PPM1H: variants seen among roughly 807,000 people sequenced by gnomAD.
PPM1H encodes protein phosphatase, Mg2+/Mn2+ dependent 1H, also known as protein phosphatase 1H.
In PPM1H, 27 loss-of-function variants were observed where a neutral mutation model predicts 54.9. The ratio of observed to expected loss-of-function variants is 0.49; its 90% CI spans 0.36 to 0.68. The LOEUF (loss-of-function observed/expected upper bound fraction) is 0.68, where lower values mean the gene tolerates loss of function less well. Among genes scored for constraint, PPM1H ranks in the 30% least tolerant of loss-of-function variants. The pLI is 0.00. For synonymous variants in PPM1H, 305 were observed against 270.8 expected, an observed-to-expected ratio of 1.13 and a Z score of -1.24; for missense variants, 596 against 667.8, an observed-to-expected ratio of 0.89 and a Z score of 1.19.
chr12:62,688,560 G>A (rs149777154), intron 8 of PPM1H, among the ~76,000 whole-genome samples: 228 of 152,268 alleles, frequency 1.5e-3, no homozygotes, highest in African/African-American at 5.2e-3. Flanking sequence ...AATCGATACT[G>A]TTTCCTATAT....
At chr12:62,838,343 G>GC (rs372712407) in intron 1 of PPM1H, among the ~76,000 whole-genome samples, 5 of 145,262 alleles carry the variant, frequency 3.4e-5, no homozygotes, top group Non-Finnish European at 7.6e-5. Context: ...GTGTGTGGGG[G>GC]GGGGGAGATG....
chr12:62,751,458 A>G (rs1212203795), intron 4 of PPM1H, among the ~76,000 whole-genome samples: 1 of 152,256 alleles, frequency 6.6e-6, no homozygotes, highest in Non-Finnish European at 1.5e-5. Context: ...TTCAGAGAAC[A>G]GTGGGTGACC....
chr12:62,657,283 T>C (rs191390207), intron 9 of PPM1H, among the ~76,000 whole-genome samples: 1 of 152,276 alleles, frequency 6.6e-6, no homozygotes, highest in Admixed American at 6.5e-5. Flanking sequence ...TTAGTTCAAA[T>C]TCCAAACAGT....
At chr12:62,707,311 G>T (rs956157363) in intron 6 of PPM1H, among the ~76,000 whole-genome samples, 2 of 152,154 alleles carry the variant, frequency 1.3e-5, no homozygotes, top group Non-Finnish European at 1.5e-5. Flanking sequence ...TCCCTTATCA[G>T]CCACTGCCAG....
intron 1 of PPM1H, among the ~76,000 whole-genome samples, chr12:62,892,045 AG>A (rs2121083335): frequency 6.6e-6 from 1 of 152,336 alleles, no homozygotes; most frequent in African/African-American, 2.4e-5. Flanking sequence ...AATTGTGCAA[AG>A]TATCACAGAA....
At chr12:62,923,035 G>A (rs1871850882) in intron 1 of PPM1H, among the ~76,000 whole-genome samples, 1 of 152,162 alleles carries the variant, frequency 6.6e-6, no homozygotes, top group African/African-American at 2.4e-5. Flanking sequence ...CTTATCAACT[G>A]AGTGAGCATT....
At chr12:62,677,184 G>A (rs891549853) in intron 8 of PPM1H, among the ~76,000 whole-genome samples, 1 of 152,294 alleles carries the variant, frequency 6.6e-6, no homozygotes, top group South Asian at 2.1e-4. Flanking sequence ...GGTCTCCTGA[G>A]CACTGTACTA....
At chr12:62,814,835 C>CT (rs1272771443) in intron 2 of PPM1H, among the ~76,000 whole-genome samples, 1 of 152,226 alleles carries the variant, frequency 6.6e-6, no homozygotes, top group African/African-American at 2.4e-5. Flanking sequence ...GGATTGATCA[C>CT]TTCCCCTTGG....
intron 4 of PPM1H, among the ~76,000 whole-genome samples, chr12:62,760,602 C>T (rs1018378341): frequency 2.6e-5 from 4 of 152,216 alleles, no homozygotes; most frequent in Non-Finnish European, 4.4e-5. Flanking sequence ...GAGCTGAAGG[C>T]ATAGTCAGGG....
intron 1 of PPM1H, among the ~76,000 whole-genome samples, chr12:62,845,455 A>G (rs908779570): frequency 6.6e-6 from 1 of 152,210 alleles, no homozygotes; most frequent in African/African-American, 2.4e-5. Flanking sequence ...ATAGTTTTAG[A>G]AAAGGGGAGT....
chr12:62,753,021 G>C (rs2076450557), intron 4 of PPM1H, among the ~76,000 whole-genome samples: 1 of 152,112 alleles, frequency 6.6e-6, no homozygotes, highest in Admixed American at 6.5e-5. Context: ...ATGTGGGAGT[G>C]GTGCTCAGGA....
At chr12:62,683,039 A>ATTT (rs1227465639) in intron 8 of PPM1H, among the ~76,000 whole-genome samples, 1 of 30,520 alleles carries the variant, frequency 3.3e-5, no homozygotes, top group Non-Finnish European at 6.3e-5. Context: ...ATTATTTATT[A>ATTT]TTATTATTAT....
intron 2 of PPM1H, among the ~76,000 whole-genome samples, chr12:62,805,826 G>C (rs1447034431): frequency 1.3e-5 from 2 of 152,308 alleles, no homozygotes; most frequent in East Asian, 1.9e-4. Flanking sequence ...GAAATTACCT[G>C]AGAGAGTAGA....
chr12:62,725,690 T>A (rs767179434), intron 5 of PPM1H, among the ~76,000 whole-genome samples: 16 of 152,234 alleles, frequency 1.1e-4, no homozygotes, highest in Non-Finnish European at 2.4e-4. Context: ...TGTCTTTTCT[T>A]ATGGGGGACC....
intron 1 of PPM1H, among the ~76,000 whole-genome samples, chr12:62,889,375 C>G (rs781302422): frequency 6.6e-6 from 1 of 152,118 alleles, no homozygotes; most frequent in Admixed American, 6.6e-5. Context: ...AGACTTATAG[C>G]TGGGCACTGT....
At chr12:62,697,786 C>T (rs1164252235) in intron 6 of PPM1H, among the ~76,000 whole-genome samples, 2 of 151,902 alleles carry the variant, frequency 1.3e-5, no homozygotes, top group African/African-American at 2.4e-5. Context: ...GAACTAGCGC[C>T]CCAAACAAAT....
intron 3 of PPM1H, among the ~76,000 whole-genome samples, chr12:62,790,712 G>A (rs2076697232): frequency 1.3e-5 from 2 of 152,164 alleles, no homozygotes; most frequent in Admixed American, 6.5e-5. Flanking sequence ...GGAGGAGGTA[G>A]GAATATGTGT....
chr12:62,702,060 C>T (rs2076146733), intron 6 of PPM1H, among the ~76,000 whole-genome samples: 2 of 152,148 alleles, frequency 1.3e-5, no homozygotes. Flanking sequence ...ATGTCAGTTT[C>T]CCTCTAAAGA....
chr12:62,777,443 G>C (rs1265708948), intron 4 of PPM1H, among the ~76,000 whole-genome samples: 1 of 152,176 alleles, frequency 6.6e-6, no homozygotes, highest in Non-Finnish European at 1.5e-5. Flanking sequence ...CTGGCTCATG[G>C]AAGGCATAAA....
Sources: allele counts gnomAD v4.1 joint callset (sites outside exome capture counted in the v4.1 genomes callset), GRCh38; gene constraint gnomAD v4.1.1; transcripts MANE v1.5; gene names NCBI Gene and HGNC (gene_info 2026-07-23, HGNC 2026-07-21).